The following RAP1GDS1 variants were observed in gnomAD, a reference collection of about 807,000 sequenced individuals.
The protein encoded by RAP1GDS1 is RAP1, GTP-GDP dissociation stimulator 1.
A neutral mutation model predicts 71.1 loss-of-function variants in RAP1GDS1; 35 were observed. The observed-to-expected ratio is 0.49, with a 90% CI of 0.38 to 0.65. RAP1GDS1 has a LOEUF of 0.65. RAP1GDS1 is among the 30% of genes least tolerant of loss of function. RAP1GDS1 has a pLI of 0.00. For synonymous variants in RAP1GDS1, 229 were observed against 243.1 expected, an observed-to-expected ratio of 0.94 and a Z score of 0.54; for missense variants, 663 against 706.1, an observed-to-expected ratio of 0.94 and a Z score of 0.69.
At position 98,364,503 on chromosome 4, in the gene RAP1GDS1, T is replaced by C. The variant is rs150685927; in HGVS notation, c.361+11902T>C. ...CACTGTCAAATACATAAATGCACTG[T>C]CATTAAATACATTTATGCTTCAGTG... On this transcript the variant is annotated intron_variant, in intron 4 of 14. Coordinates refer to ENST00000408927, the MANE Select transcript of RAP1GDS1 (RefSeq NM_001100427.2). 2.0e-5 allele frequency among the ~76,000 whole-genome samples: 3 copies of C among 152,292 alleles called. No individual in the cohort carries two copies. In the East Asian group the frequency reaches 5.8e-4, roughly 29 times the overall value.
chr4:98,306,715 G>A (rs1245864560), intron 2 of RAP1GDS1, among the ~76,000 whole-genome samples: 3 of 152,134 alleles, frequency 2.0e-5, no homozygotes, highest in Non-Finnish European at 2.9e-5. Flanking sequence ...AGATAAATGT[G>A]TTTTCATTAT....
At chr4:98,326,903 G>T (rs1480136146) in intron 2 of RAP1GDS1, among the ~76,000 whole-genome samples, 1 of 152,178 alleles carries the variant, frequency 6.6e-6, no homozygotes, top group African/African-American at 2.4e-5. Context: ...GCTAGAATTA[G>T]TATAGTCGTT....
intron 4 of RAP1GDS1, among the ~76,000 whole-genome samples, chr4:98,354,309 G>A (rs954850585): frequency 3.9e-5 from 6 of 151,902 alleles, no homozygotes; most frequent in East Asian, 3.9e-4. Context: ...TGATCCACCC[G>A]CCTCGGCCTC....
rs70955932 is a variant in RAP1GDS1 at position 98,416,334 on chromosome 4, G to GTTTTTTT, written c.764-387_764-381dup. The stretch of plus-strand genomic sequence containing the variant: ...ATTATCTAAATCATGCATTTTCTTA[G>GTTTTTTT]TTTTTTTTTTTTTTTTTTTTTTTTT... On this transcript the variant is annotated intron_variant, in intron 7 of 14. Transcript: ENST00000408927. Among the ~76,000 whole-genome samples the GTTTTTTT allele has an allele frequency of 1.1e-3, 59 of 51,572 alleles. 12 individuals are homozygous for GTTTTTTT. Among genetic ancestry groups the GTTTTTTT allele is most frequent in the East Asian group, 1.8e-3 (3 of 1,694 alleles). The allele number at this position is 51,572 out of a possible 152,430, so 33.8% of individuals were successfully genotyped here. A position where few individuals can be genotyped will look rare whatever the true frequency, so the allele number is the denominator to read the frequency against.
chr4:98,303,316 A>G (rs1728838869), intron 2 of RAP1GDS1, among the ~76,000 whole-genome samples: 1 of 152,112 alleles, frequency 6.6e-6, no homozygotes, highest in Admixed American at 6.5e-5. Context: ...ATGGCTGTTG[A>G]GCATTTGAAA....
chr4:98,321,609 A>G (rs927055552), intron 2 of RAP1GDS1, among the ~76,000 whole-genome samples: 10 of 151,752 alleles, frequency 6.6e-5, no homozygotes, highest in Non-Finnish European at 1.3e-4. Context: ...AGTGGGGGCC[A>G]ATATTCAACA....
chr4:98,403,009 A>C (rs1004634113), intron 6 of RAP1GDS1, among the ~76,000 whole-genome samples: 3 of 152,186 alleles, frequency 2.0e-5, no homozygotes, highest in African/African-American at 4.8e-5. Flanking sequence ...TAGAAGCATC[A>C]ACTCTAGGTG....
chr4:98,416,101 A>G (rs937772189), intron 7 of RAP1GDS1, among the ~76,000 whole-genome samples: 10 of 151,950 alleles, frequency 6.6e-5, no homozygotes, highest in African/African-American at 2.4e-4. Flanking sequence ...AGTATTTTAT[A>G]GCTTGCCCTT....
At chr4:98,384,487 G>A (rs1185018811) in intron 5 of RAP1GDS1, among the ~76,000 whole-genome samples, 1 of 151,644 alleles carries the variant, frequency 6.6e-6, no homozygotes, top group African/African-American at 2.4e-5. Flanking sequence ...TAAACAAATT[G>A]TTTCACTAAA....
intron 2 of RAP1GDS1, among the ~76,000 whole-genome samples, chr4:98,314,461 T>G (rs1397712600): frequency 6.6e-6 from 1 of 152,218 alleles, no homozygotes; most frequent in Non-Finnish European, 1.5e-5. Flanking sequence ...TTAGGAGTAA[T>G]TATAACTACT....
At chr4:98,311,523 C>CATCGTGT (rs1313110159) in intron 2 of RAP1GDS1, among the ~76,000 whole-genome samples, 2 of 152,136 alleles carry the variant, frequency 1.3e-5, no homozygotes, top group Admixed American at 6.5e-5. Context: ...ATGAAGGTCC[C>CATCGTGT]ATCGTGTGTG....
At chr4:98,343,585 T>C (rs891589970) in intron 3 of RAP1GDS1, among the ~76,000 whole-genome samples, 2 of 152,184 alleles carry the variant, frequency 1.3e-5, no homozygotes, top group East Asian at 3.8e-4. Context: ...CCATAAGAGA[T>C]AATATATTTT....
intron 2 of RAP1GDS1, among the ~76,000 whole-genome samples, chr4:98,322,167 CAAA>C (rs1473882299): frequency 7.2e-5 from 6 of 82,844 alleles, no homozygotes; most frequent in African/African-American, 3.0e-4. Flanking sequence ...TCAAAAGAGA[CAAA>C]GAAGGCCATT....
intron 3 of RAP1GDS1, among the ~76,000 whole-genome samples, chr4:98,350,833 G>A (rs186831546): frequency 6.4e-4 from 97 of 152,004 alleles, no homozygotes; most frequent in Admixed American, 1.1e-3. Context: ...GCAAGGCTCC[G>A]TCTCAAAAAT....
At chr4:98,382,745 A>G (rs976217496) in intron 5 of RAP1GDS1, among the ~76,000 whole-genome samples, 3 of 151,604 alleles carry the variant, frequency 2.0e-5, no homozygotes, top group Non-Finnish European at 3.0e-5. Context: ...CTGGATACTT[A>G]TTATCGTCTA....
intron 12 of RAP1GDS1, among the ~76,000 whole-genome samples, chr4:98,426,411 A>G (rs1749624033): frequency 6.6e-6 from 1 of 152,150 alleles, no homozygotes; most frequent in Non-Finnish European, 1.5e-5. Context: ...AAAAAAGACA[A>G]TACAAAAGAT....
chr4:98,353,875 A>G (rs1737568469), intron 4 of RAP1GDS1, among the ~76,000 whole-genome samples: 1 of 152,178 alleles, frequency 6.6e-6, no homozygotes, highest in Admixed American at 6.5e-5. Flanking sequence ...TATAATATCA[A>G]CTTTCAAGAC....
chr4:98,419,448 C>T (rs1359333054), intron 10 of RAP1GDS1, among the ~76,000 whole-genome samples: 1 of 152,094 alleles, frequency 6.6e-6, no homozygotes, highest in African/African-American at 2.4e-5. Context: ...AGCAGATGTA[C>T]AATTTTTTTA....
At chr4:98,428,281 T>C (rs1473275567) in intron 12 of RAP1GDS1, among the ~76,000 whole-genome samples, 6 of 152,086 alleles carry the variant, frequency 3.9e-5, no homozygotes, top group African/African-American at 1.2e-4. Context: ...CCCTTCTAGA[T>C]GTTGGCTTAG....
Sources: gnomAD v4.1 joint callset for allele counts (sites outside exome capture counted in the v4.1 genomes callset) on GRCh38, gnomAD v4.1.1 for gene constraint, MANE v1.5 for transcripts, NCBI Gene and HGNC (gene_info 2026-07-23, HGNC 2026-07-21) for gene names.